Variants in SNTG2 observed in about 807,000 individuals in gnomAD.
SNTG2 encodes gamma-2-syntrophin.
A neutral mutation model predicts 70.9 loss-of-function variants in SNTG2; 74 were observed. That is an observed-to-expected ratio of 1.04 (90% CI 0.86 to 1.27). SNTG2 has a LOEUF of 1.27. SNTG2 is among the 50% of genes most tolerant of loss of function. SNTG2 has a pLI of 0.00. For missense variants in SNTG2, 717 were observed against 690.7 expected, an observed-to-expected ratio of 1.04 and a Z score of -0.43; for synonymous variants, 278 against 273.8, an observed-to-expected ratio of 1.02 and a Z score of -0.15.
chr2:1,001,995 T>C (rs1449696141), intron 1 of SNTG2, among the ~76,000 whole-genome samples: 1 of 151,978 alleles, frequency 6.6e-6, no homozygotes. Context: ...ACAAAGTTGA[T>C]GAAAACACAC....
intron 1 of SNTG2, among the ~76,000 whole-genome samples, chr2:1,046,462 G>A (rs1279809633): frequency 6.6e-6 from 1 of 152,082 alleles, no homozygotes; most frequent in Non-Finnish European, 1.5e-5. Context: ...AATGGTCTAT[G>A]TATTTCAGTG....
rs1444627239 is a variant in SNTG2 at position 1,267,546 on chromosome 2, C to T, written c.1259C>T (p.Thr420Met). 6.2e-6 allele frequency: 10 copies of T among 1,613,150 alleles called. No homozygotes were observed. The highest frequency in any genetic ancestry group is 3.3e-5 in the Admixed American group (2 of 59,994). The change falls in exon 14 of 17, where the codon ACG (threonine) becomes ATG (methionine). Residue 420 changes from threonine (T) to methionine (M), a missense_variant. Physicochemically the swap from Thr to Met is moderately conservative, Grantham distance 81. Coordinates refer to ENST00000308624, the MANE Select transcript of SNTG2 (RefSeq NM_018968.4). Reference sequence around the variant, plus strand: ...TGGGAGAAGTCCTTCCAAAGAGCCACGTTCATGGAAGTTCAGAGAACCGGG... The same window carrying T: ...TGGGAGAAGTCCTTCCAAAGAGCCATGTTCATGGAAGTTCAGAGAACCGGG... Reference protein sequence around the residue: ...AMWEKSFQRATFMEVQRTGSR... With the variant: ...AMWEKSFQRAMFMEVQRTGSR...
At chr2:1,057,688 A>C (rs1035628752) in intron 1 of SNTG2, among the ~76,000 whole-genome samples, 4 of 152,190 alleles carry the variant, frequency 2.6e-5, no homozygotes, top group Non-Finnish European at 4.4e-5. Context: ...CCTCACAGAC[A>C]CACCCAGGAT....
chr2:1,161,987 T>C (rs1436178875), intron 6 of SNTG2, among the ~76,000 whole-genome samples: 2 of 148,502 alleles, frequency 1.3e-5, no homozygotes, highest in African/African-American at 2.5e-5. Flanking sequence ...GGCAGGAGAA[T>C]TGTGTGAACC....
chr2:1,251,110 A>C (rs1269642586), intron 12 of SNTG2, among the ~76,000 whole-genome samples: 1 of 152,308 alleles, frequency 6.6e-6, no homozygotes, highest in South Asian at 2.1e-4. Context: ...GAATGAGCCT[A>C]GAGAGTAATT....
chr2:970,000 G>C (rs1028407699), intron 1 of SNTG2, among the ~76,000 whole-genome samples: 2 of 152,162 alleles, frequency 1.3e-5, no homozygotes, highest in Non-Finnish European at 2.9e-5. Context: ...CTGTGGGTTT[G>C]TCATAGACAG....
At chr2:1,352,006 C>T (rs4315573) in intron 16 of SNTG2, among the ~76,000 whole-genome samples, 113,919 of 152,042 alleles carry the variant, frequency 0.75, 43,132 homozygotes, top group East Asian at 0.94. Flanking sequence ...GTCTTCCAGC[C>T]GACCTGGAGG....
chr2:1,045,904 GT>G (rs1661708005), intron 1 of SNTG2, among the ~76,000 whole-genome samples: 1 of 152,130 alleles, frequency 6.6e-6, no homozygotes, highest in Non-Finnish European at 1.5e-5. Flanking sequence ...CAAGTGTTGA[GT>G]TTAAATCCTG....
intron 14 of SNTG2, among the ~76,000 whole-genome samples, chr2:1,297,931 G>A (rs73908824): frequency 9.4e-4 from 143 of 152,216 alleles, no homozygotes; most frequent in East Asian, 8.3e-3. Context: ...AGCAGGGCGC[G>A]TGTTGGTCTG....
chr2:1,173,093 G>A lies in SNTG2; in HGVS notation c.501G>A (p.Gly167=), dbSNP rs780668863. ...GGGACTTCTCTTGTTTTGCTGCAGG[G>A]TCCCCAGGGCCATCCAGCGACCACA... ...EAPAFLKLPL[G]SPGPSSDHSS... is the part of the protein sequence containing the mutation. The change falls in exon 8 of 17, where the codon GGG becomes GGA. Residue 167 remains glycine, a splice_region_variant and synonymous_variant. Transcript: ENST00000308624. 5 of 1,613,552 alleles carry A rather than the reference G, an allele frequency of 3.1e-6. No homozygotes were observed. The highest frequency in any genetic ancestry group is 2.2e-5 in the East Asian group (1 of 44,866).
chr2:1,088,541 T>C (rs1204818670), intron 2 of SNTG2, among the ~76,000 whole-genome samples: 1 of 152,196 alleles, frequency 6.6e-6, no homozygotes, highest in Non-Finnish European at 1.5e-5. Flanking sequence ...TGTTTACAAA[T>C]GGAATACTGC....
intron 11 of SNTG2, among the ~76,000 whole-genome samples, chr2:1,245,672 CA>C (rs1412126619): frequency 6.6e-6 from 1 of 151,974 alleles, no homozygotes; most frequent in African/African-American, 2.4e-5. Context: ...GTGTTATAAC[CA>C]ACAAAAATAT....
intron 1 of SNTG2, among the ~76,000 whole-genome samples, chr2:978,891 T>G (rs1355189159): frequency 6.6e-6 from 1 of 152,236 alleles, no homozygotes; most frequent in African/African-American, 2.4e-5. Context: ...TAAAGTCATT[T>G]ATAAGGATGA....
rs572816109 is a variant in SNTG2 at position 1,113,085 on chromosome 2, C to G, written c.325+14675C>G. ...GGTGTGTACTAAGTGAGGTTTAACC[C>G]TTACAGTCCTTTGAGAAGGATCGTG... is the stretch of plus-strand genomic sequence containing the variant. On this transcript the variant is annotated intron_variant, in intron 4 of 16. Transcript: ENST00000308624. Among the ~76,000 whole-genome samples the G allele has an allele frequency of 1.2e-4, 18 of 151,436 alleles. No homozygotes were observed. The South Asian group carries it at 3.8e-3, about 32-fold the overall frequency.
Position 1,367,521 on chromosome 2 carries a change from A to G in SNTG2, c.*47A>G, listed in dbSNP as rs1661554230. On this transcript the variant is annotated 3_prime_UTR_variant, in exon 17 of 17. Coordinates refer to ENST00000308624, the MANE Select transcript of SNTG2 (RefSeq NM_018968.4). The stretch of plus-strand genomic sequence containing the variant: ...GAAAAATTAAATTATTTTCGTAAGA[A>G]ATGATTCTTTCCTGCAGAATATTGC... The G allele has an allele frequency of 9.1e-6, 14 of 1,543,372 alleles. No individual in the cohort carries two copies. The highest frequency in any genetic ancestry group is 1.2e-5 in the Non-Finnish European group (14 of 1,142,358).
At chr2:1,092,417 T>A (rs2148195301) in intron 2 of SNTG2, among the ~76,000 whole-genome samples, 1 of 152,278 alleles carries the variant, frequency 6.6e-6, no homozygotes, top group Non-Finnish European at 1.5e-5. Flanking sequence ...CCCCAGGTCA[T>A]CCTGTCCTCA....
At chr2:1,263,818 A>G (rs1678580584) in intron 13 of SNTG2, among the ~76,000 whole-genome samples, 1 of 152,228 alleles carries the variant, frequency 6.6e-6, no homozygotes, top group Non-Finnish European at 1.5e-5. Flanking sequence ...TTCACAGCTC[A>G]AAAGTGGAGG....
chr2:1,128,141 C>T (rs1214582182), intron 4 of SNTG2, among the ~76,000 whole-genome samples: 1 of 148,000 alleles, frequency 6.8e-6, no homozygotes, highest in African/African-American at 2.5e-5. Context: ...GAGTTTTTGT[C>T]ATGAAGAAGT....
chr2:983,161 C>T (rs13405305), intron 1 of SNTG2, among the ~76,000 whole-genome samples: 42,528 of 143,350 alleles, frequency 0.3, 6,486 homozygotes, highest in Middle Eastern at 0.4. Flanking sequence ...AGGTGGAGGT[C>T]GTGATGAAGC....
Sources: gnomAD v4.1 joint callset for allele counts (sites outside exome capture counted in the v4.1 genomes callset) on GRCh38, gnomAD v4.1.1 for gene constraint, MANE v1.5 for transcripts, NCBI Gene and HGNC (gene_info 2026-07-23, HGNC 2026-07-21) for gene names.